Variants in SAMD5 observed in about 807,000 individuals in gnomAD.
SAMD5 encodes sterile alpha motif domain containing 5.
Under a neutral mutation model 11.3 loss-of-function variants are expected in SAMD5, and 13 were observed. The ratio of observed to expected loss-of-function variants is 1.15; its 90% CI spans 0.75 to 1.83. The LOEUF is 1.83. Among genes scored for constraint, SAMD5 ranks in the 40% most tolerant of loss-of-function variants. SAMD5 has a pLI of 0.00. For synonymous variants in SAMD5, 129 were observed against 111.3 expected (o/e 1.16, Z -1.00); for missense variants, 255 against 239.1 (o/e 1.07, Z -0.44).
At chr6:147,590,396 G>A (rs1320300963) in intron 1 of SAMD5, among the ~76,000 whole-genome samples, 1 of 152,094 alleles carries the variant, frequency 6.6e-6, no homozygotes, top group Non-Finnish European at 1.5e-5. Flanking sequence ...CTCATTGTAT[G>A]CCCTCAGTAA....
chr6:147,651,755 T>C (rs1003762526), intron 1 of SAMD5, among the ~76,000 whole-genome samples: 2 of 152,228 alleles, frequency 1.3e-5, no homozygotes, highest in Admixed American at 1.3e-4. Context: ...AGACTACTAT[T>C]CAACTTTTAC....
intron 1 of SAMD5, among the ~76,000 whole-genome samples, chr6:147,720,395 G>A (rs1036171510): frequency 6.6e-6 from 1 of 151,914 alleles, no homozygotes; most frequent in Admixed American, 6.6e-5. Context: ...CCCAGGAGGC[G>A]GAGCTTGCAG....
chr6:147,539,298 A>G (rs766865715), intron 1 of SAMD5, among the ~76,000 whole-genome samples: 9 of 152,198 alleles, frequency 5.9e-5, no homozygotes, highest in Non-Finnish European at 1.0e-4. Flanking sequence ...CTCATCTCCC[A>G]GTCGCGGGCG....
intron 1 of SAMD5, among the ~76,000 whole-genome samples, chr6:147,614,790 G>C (rs1789841175): frequency 6.6e-6 from 1 of 151,842 alleles, no homozygotes; most frequent in African/African-American, 2.4e-5. Flanking sequence ...AATTCATCAA[G>C]CTGCATACTT....
At chr6:147,615,301 A>G (rs1423440290) in intron 1 of SAMD5, among the ~76,000 whole-genome samples, 1 of 152,210 alleles carries the variant, frequency 6.6e-6, no homozygotes, top group Non-Finnish European at 1.5e-5. Context: ...CCCTGATTTT[A>G]TAATTTATAT....
the SAMD5 span, among the ~76,000 whole-genome samples, chr6:147,906,190 T>G: frequency 6.6e-6 from 1 of 152,246 alleles, no homozygotes; most frequent in Non-Finnish European, 1.5e-5. Context: ...TTTACTTGAA[T>G]TTTTGCTGAT....
the SAMD5 span, among the ~76,000 whole-genome samples, chr6:147,789,556 C>T: frequency 1.3e-5 from 2 of 151,790 alleles, no homozygotes; most frequent in African/African-American, 4.8e-5. Context: ...CATGGGTTTC[C>T]CCTATTATTA....
Position 147,512,613 on chromosome 6 carries a change from A to G in SAMD5, c.459+3226A>G, listed in dbSNP as rs540265411. Reference sequence around the variant, plus strand: ...GCTTTGAAAAAACAGGAGCTTAGAGAGAGCACCAGGCTTTAAATCAAACAT... The same window carrying G: ...GCTTTGAAAAAACAGGAGCTTAGAGGGAGCACCAGGCTTTAAATCAAACAT... On this transcript the variant is annotated intron_variant, in intron 1 of 1. Coordinates refer to ENST00000367474, the MANE Select transcript of SAMD5 (RefSeq NM_001030060.3). 7.4e-4 allele frequency among the ~76,000 whole-genome samples: 112 copies of G among 152,320 alleles called. 1 individual carries two copies. The highest frequency in any genetic ancestry group is 2.6e-3 in the African/African-American group (110 of 41,566).
chr6:147,893,986 A>G, the SAMD5 span, among the ~76,000 whole-genome samples: 4 of 152,292 alleles, frequency 2.6e-5, no homozygotes, highest in Admixed American at 6.5e-5. Flanking sequence ...AGATTCTTCC[A>G]AAGCATCATT....
chr6:147,865,399 G>A, the SAMD5 span, among the ~76,000 whole-genome samples: 171 of 151,778 alleles, frequency 1.1e-3, no homozygotes, highest in African/African-American at 4.0e-3. Flanking sequence ...CAAAGAAAAG[G>A]GGAAAAAAAG....
intron 1 of SAMD5, among the ~76,000 whole-genome samples, chr6:147,608,475 C>A (rs1220702447): frequency 6.6e-6 from 1 of 152,106 alleles, no homozygotes; most frequent in African/African-American, 2.4e-5. Context: ...AGAATAAGAT[C>A]CTGTCATTTG....
At chr6:147,627,188 G>A (rs1790067986) in intron 1 of SAMD5, among the ~76,000 whole-genome samples, 1 of 152,190 alleles carries the variant, frequency 6.6e-6, no homozygotes, top group South Asian at 2.1e-4. Context: ...GAAGACAGCA[G>A]AGGAAGCACT....
At chr6:147,743,465 T>C in the SAMD5 span, 1 of 151,510 alleles carries the variant, frequency 6.6e-6, no homozygotes, top group Non-Finnish European at 1.5e-5. Context: ...ATCGTGCCAC[T>C]GCACTCCAGC....
At chr6:147,540,936 T>TG (rs1788592188) in intron 1 of SAMD5, among the ~76,000 whole-genome samples, 4 of 43,518 alleles carry the variant, frequency 9.2e-5, no homozygotes, top group South Asian at 6.4e-4. Flanking sequence ...GCCACGCGTT[T>TG]TTTTTTTTTT....
At chr6:147,916,084 A>AT in the SAMD5 span, among the ~76,000 whole-genome samples, 1 of 152,040 alleles carries the variant, frequency 6.6e-6, no homozygotes, top group African/African-American at 2.4e-5. Context: ...ACATGAACTC[A>AT]TCATTTTTTA....
the SAMD5 span, among the ~76,000 whole-genome samples, chr6:147,822,539 C>A: frequency 3.3e-5 from 5 of 152,242 alleles, no homozygotes; most frequent in East Asian, 9.7e-4. Context: ...GTGCTCATGA[C>A]CATTGCAAGG....
At chr6:147,510,463 C>G (rs1241414983) in intron 1 of SAMD5, among the ~76,000 whole-genome samples, 1 of 151,974 alleles carries the variant, frequency 6.6e-6, no homozygotes, top group African/African-American at 2.4e-5. Flanking sequence ...TTAGAAGAGC[C>G]CAGGGAGAAA....
the SAMD5 span, among the ~76,000 whole-genome samples, chr6:147,907,804 G>T: frequency 2.0e-5 from 3 of 152,110 alleles, no homozygotes; most frequent in Non-Finnish European, 4.4e-5. Context: ...CATGTGCACA[G>T]TTCATTTTTC....
chr6:147,527,804 G>GTT (rs36087874), intron 1 of SAMD5, among the ~76,000 whole-genome samples: 2 of 151,844 alleles, frequency 1.3e-5, no homozygotes, highest in African/African-American at 4.8e-5. Flanking sequence ...ATAAAGAAAG[G>GTT]TTTTTTTTAT....
Sources: allele counts gnomAD v4.1 joint callset (sites outside exome capture counted in the v4.1 genomes callset), GRCh38; gene constraint gnomAD v4.1.1; transcripts MANE v1.5; gene names NCBI Gene and HGNC (gene_info 2026-07-23, HGNC 2026-07-21).